Variants in STARD6 observed in about 807,000 individuals in gnomAD.
The protein encoded by STARD6 is stAR-related lipid transfer protein 6.
Under a neutral mutation model 22.3 loss-of-function variants are expected in STARD6, and 21 were observed. That is an observed-to-expected ratio of 0.94 (90% CI 0.67 to 1.35). STARD6 has a LOEUF of 1.35. Among genes scored for constraint, STARD6 ranks in the 40% most tolerant of loss-of-function variants. The pLI is 0.00. For missense variants in STARD6, 269 were observed against 266.9 expected, an observed-to-expected ratio of 1.01 and a Z score of -0.05; for synonymous variants, 80 against 88.1, an observed-to-expected ratio of 0.91 and a Z score of 0.52.
intron 4 of STARD6, among the ~76,000 whole-genome samples, chr18:54,338,490 C>T (rs1026999537): frequency 7.9e-5 from 12 of 151,992 alleles, no homozygotes; most frequent in Admixed American, 2.0e-4. Flanking sequence ...GCTACAGACT[C>T]GGGGGAAATA....
intron 7 of STARD6, among the ~76,000 whole-genome samples, chr18:54,327,423 A>G (rs2088833049): frequency 6.6e-6 from 1 of 152,198 alleles, no homozygotes; most frequent in East Asian, 1.9e-4. Context: ...ATTCTATTAG[A>G]ATAAAATTAT....
chr18:54,351,852 A>G (rs1258719417), intron 4 of STARD6, among the ~76,000 whole-genome samples: 1 of 112,388 alleles, frequency 8.9e-6, no homozygotes, highest in African/African-American at 4.0e-5. Context: ...GTTAGCTAGT[A>G]TTTTGTTGAG....
chr18:54,327,098 C>G (rs1034927204), intron 7 of STARD6, among the ~76,000 whole-genome samples: 1 of 152,198 alleles, frequency 6.6e-6, no homozygotes, highest in Non-Finnish European at 1.5e-5. Context: ...TATGGGGTTA[C>G]TTTGAAGATC....
intron 5 of STARD6, 85 bp from the exon 6 acceptor site, chr18:54,331,944 T>C: frequency 2.2e-6 from 2 of 892,602 alleles, no homozygotes; most frequent in South Asian, 4.2e-5. Flanking sequence ...TTATTGCATA[T>C]GATTGGCCTC....
intron 3 of STARD6, 66 bp downstream of exon 3, chr18:54,354,418 C>A (rs577088587): frequency 2.9e-6 from 4 of 1,394,776 alleles, no homozygotes; most frequent in Middle Eastern, 1.9e-4. Flanking sequence ...TTAAAAAAGT[C>A]TTTACAATGA....
At chr18:54,357,278 G>A (rs1387133283) in intron 1 of STARD6, 1 of 152,224 alleles carries the variant, frequency 6.6e-6, no homozygotes, top group Non-Finnish European at 1.5e-5. Context: ...CTCTTTCTGA[G>A]CTGCCTGACT....
At chr18:54,328,383 G>T (rs1376809595) in intron 7 of STARD6, among the ~76,000 whole-genome samples, 1 of 152,154 alleles carries the variant, frequency 6.6e-6, no homozygotes, top group African/African-American at 2.4e-5. Flanking sequence ...GCCAGCAGTT[G>T]ATTTACCTTG....
At chr18:54,348,223 T>C (rs1568173373) in intron 4 of STARD6, among the ~76,000 whole-genome samples, 1 of 152,114 alleles carries the variant, frequency 6.6e-6, no homozygotes. Context: ...CCTGAATGCT[T>C]TAATTTATAA....
chr18:54,334,885 GTCT>G lies in STARD6; in HGVS notation c.267+2237_267+2239del, dbSNP rs201256438. ...TTTTGTGAAAGCAGGGACAATTTCTGTCTTCTTCCCTTATGTGTCCCTAGTGAA... is the reference window on the plus strand; with the variant it reads ...TTTTGTGAAAGCAGGGACAATTTCTGTCTTCCCTTATGTGTCCCTAGTGAA... On this transcript the variant is annotated intron_variant, in intron 5 of 7. Transcript: ENST00000307844. 7.7e-3 allele frequency among the ~76,000 whole-genome samples: 1,173 copies of G among 152,248 alleles called. 11 individuals are homozygous for G. Among genetic ancestry groups the G allele is most frequent in the Admixed American group, 0.028 (423 of 15,288 alleles).
intron 4 of STARD6, among the ~76,000 whole-genome samples, chr18:54,342,457 C>G (rs2088979923): frequency 7.7e-6 from 1 of 129,236 alleles, no homozygotes; most frequent in African/African-American, 3.1e-5. Flanking sequence ...CTCTCCCTCT[C>G]CCTCTCCCTC....
intron 4 of STARD6, among the ~76,000 whole-genome samples, chr18:54,343,789 G>T (rs2089008479): frequency 1.3e-5 from 1 of 75,576 alleles, no homozygotes. Flanking sequence ...CAGCCCCCCT[G>T]CCCGGCCAGC....
Position 54,324,889 on chromosome 18 carries a change from A to C in STARD6, c.480-14T>G. The C allele has an allele frequency of 6.7e-7, 1 of 1,493,394 alleles. No homozygotes were observed. The highest frequency in any genetic ancestry group is 2.5e-5 in the Admixed American group (1 of 40,014). 92.5% of individuals were successfully genotyped at this position (1,493,394 alleles called of 1,614,324 possible). On this transcript the variant is annotated splice_polypyrimidine_tract_variant and intron_variant, in intron 7 of 7. Transcript: ENST00000307844. ...TATGCTGGGTTTCTGTAAGCAAAAG[A>C]AGAGTTAAAAAAAGATAAGAAATTT...
rs1409616654 is a variant in STARD6, at chr18:54,355,173, G to T, written c.-4-596C>A. ...CTTAGCTCCAATCATTTGATCTCCT[G>T]GCTGTTCCTCACATACAATAAAGCA... On this transcript the variant is annotated intron_variant, in intron 2 of 7. Transcript: ENST00000307844. Among the ~76,000 whole-genome samples, 3 of 151,954 alleles carry T rather than the reference G, an allele frequency of 2.0e-5. No homozygotes were observed. In the East Asian group the frequency reaches 5.8e-4, roughly 30 times the overall value.
rs375555926 is a variant in STARD6 at position 54,353,618 on chromosome 18, C to T, written c.140+436G>A. Among the ~76,000 whole-genome samples the T allele has an allele frequency of 2.6e-4, 39 of 152,318 alleles. No individual in the cohort carries two copies. The East Asian group carries it at 6.0e-3, about 23-fold the overall frequency. On this transcript the variant is annotated intron_variant, in intron 4 of 7. Coordinates refer to ENST00000307844, the MANE Select transcript of STARD6 (RefSeq NM_139171.2). The stretch of plus-strand genomic sequence containing the variant: ...CAGGTTGCAGTGAGCTGAGATTGTG[C>T]CACTGCACTCCAGCCTGGTGACAGA...
chr18:54,342,607 G>C lies in STARD6; in HGVS notation c.141-5356C>G, dbSNP rs1047965009. Among the ~76,000 whole-genome samples the C allele has an allele frequency of 5.1e-5, 6 of 117,502 alleles. 1 individual carries two copies. Among genetic ancestry groups the C allele is most frequent in the East Asian group, 2.9e-4 (1 of 3,466 alleles). The allele number at this position is 117,502 out of a possible 152,430, so 77.1% of individuals were successfully genotyped here. A position where few individuals can be genotyped will look rare whatever the true frequency, so the allele number is the denominator to read the frequency against. On this transcript the variant is annotated intron_variant, in intron 4 of 7. Coordinates refer to ENST00000307844, the MANE Select transcript of STARD6 (RefSeq NM_139171.2). ...CTGCCTCAGCCTGCCGAGTGCCTGC[G>C]ATTGCAGGCACGCGCCGCCACGCCT...
Position 54,354,123 on chromosome 18 carries a change from C to A in STARD6, c.91-20G>T. The A allele has an allele frequency of 1.3e-6, 2 of 1,491,254 alleles. No homozygotes were observed. The highest frequency in any genetic ancestry group is 1.4e-5 in the African/African-American group (1 of 70,944). 92.4% of individuals were successfully genotyped at this position (1,491,254 alleles called of 1,614,324 possible). ...CTTTTTCTCAAAGGGGAATAAAAAT[C>A]CACAAATAATTAGCTGTCAAATGCA... is the stretch of plus-strand genomic sequence containing the variant. On this transcript the variant is annotated intron_variant, in intron 3 of 7. Transcript: ENST00000307844.
chr18:54,347,919 G>C (rs1301294065), intron 4 of STARD6, among the ~76,000 whole-genome samples: 1 of 152,100 alleles, frequency 6.6e-6, no homozygotes, highest in Non-Finnish European at 1.5e-5. Flanking sequence ...TTGTAGGAGA[G>C]ACCTGGTGGA....
At chr18:54,350,949 T>C (rs545346644) in intron 4 of STARD6, among the ~76,000 whole-genome samples, 4 of 152,352 alleles carry the variant, frequency 2.6e-5, no homozygotes, top group Admixed American at 2.0e-4. Flanking sequence ...TGCTTAGTTT[T>C]GCTTTGGCTA....
intron 2 of STARD6, 135 bp from the exon 3 acceptor site, chr18:54,354,712 T>C: frequency 3.2e-6 from 2 of 626,344 alleles, no homozygotes; most frequent in Non-Finnish European, 5.6e-6. Flanking sequence ...TGAATGCATG[T>C]ATGCATGAAC....
Sources: gnomAD v4.1 joint callset for allele counts (sites outside exome capture counted in the v4.1 genomes callset) on GRCh38, gnomAD v4.1.1 for gene constraint, MANE v1.5 for transcripts, NCBI Gene and HGNC (gene_info 2026-07-23, HGNC 2026-07-21) for gene names.